ERI1: variants seen among roughly 807,000 people sequenced by gnomAD.
ERI1 encodes exoribonuclease 1, also known as 3'-5' exoribonuclease 1.
A neutral mutation model predicts 39.7 loss-of-function variants in ERI1; 39 were observed. The ratio of observed to expected loss-of-function variants is 0.98; its 90% confidence interval spans 0.76 to 1.28. The LOEUF (loss-of-function observed/expected upper bound fraction) is 1.28. Among genes scored for constraint, ERI1 ranks in the 50% most tolerant of loss-of-function variants. The pLI is 0.00. For missense variants in ERI1, 581 were observed against 416.9 expected (o/e 1.39, Z -3.43); for synonymous variants, 204 against 149.6 (o/e 1.36, Z -2.65).
chr8:9,090,331 C>G (rs1432050558), intron 3 of ERI1, among the ~76,000 whole-genome samples: 1 of 152,186 alleles, frequency 6.6e-6, no homozygotes, highest in Non-Finnish European at 1.5e-5. Context: ...TGTTCTGTTT[C>G]TCCAGTGATG....
Position 9,008,070 on chromosome 8 carries a change from C to A in ERI1, c.209C>A (p.Ala70Asp). ...AGTGACCCGGTTTACAAAGAGATTG[C>A]CATTACGAATGGCTGTATTAATAGA... ...DFSDPVYKEI[A>D]ITNGCINRMS... is the part of the protein sequence containing the mutation. Residue 70 changes from alanine to aspartate, a missense_variant, in exon 2 of 7, where the codon GCC (alanine) becomes GAC (aspartate). By Grantham distance (126) the Ala-to-Asp change is moderately radical. Transcript: ENST00000250263. 1 of 1,609,866 alleles carries A rather than the reference C, an allele frequency of 6.2e-7. No homozygotes were observed. The highest frequency in any genetic ancestry group is 8.5e-7 in the Non-Finnish European group (1 of 1,179,164).
chr8:9,060,820 C>T (rs773582146), intron 3 of ERI1, among the ~76,000 whole-genome samples: 2 of 152,148 alleles, frequency 1.3e-5, no homozygotes, highest in African/African-American at 4.8e-5. Context: ...TCTAGAGCAA[C>T]GGGATCTGAT....
chr8:9,064,923 T>G (rs1485141100), intron 3 of ERI1, among the ~76,000 whole-genome samples: 7 of 151,872 alleles, frequency 4.6e-5, no homozygotes, highest in African/African-American at 1.7e-4. Flanking sequence ...GTGGGGCTGT[T>G]TTATAGGATT....
intron 3 of ERI1, 54 bp downstream of exon 3, chr8:9,011,806 T>TA (rs1816703926): frequency 7.3e-7 from 1 of 1,372,316 alleles, no homozygotes; most frequent in Non-Finnish European, 1.0e-6. Flanking sequence ...ATTCTGGTGT[T>TA]TACTGGTTAT....
At chr8:9,064,664 G>C (rs1304782336) in intron 3 of ERI1, among the ~76,000 whole-genome samples, 2 of 152,342 alleles carry the variant, frequency 1.3e-5, no homozygotes, top group East Asian at 3.9e-4. Context: ...AAATTGGTGA[G>C]TTGTTCCTTG....
rs3989371 is a variant in ERI1, at chr8:9,049,336, C to CA, written n.299+28901dup. 7.8e-3 allele frequency among the ~76,000 whole-genome samples: 260 copies of CA among 33,256 alleles called. 45 individuals carry two copies. Among genetic ancestry groups the CA allele is most frequent in the Middle Eastern group, 0.045 (1 of 22 alleles). The allele number at this position is 33,256 out of a possible 152,430, so 21.8% of individuals were successfully genotyped here. On this transcript the variant is annotated intron_variant and non_coding_transcript_variant, in intron 3 of 3. Coordinates refer to the ERI1 transcript ENST00000518663. ...GGGCGACAGAGTGAGACTCCGTCTC[C>CA]AAAAAAAAAAAAAAAAAAAAAAAAA...
At chr8:9,098,040 T>A (rs912335341) in intron 3 of ERI1, among the ~76,000 whole-genome samples, 13 of 152,324 alleles carry the variant, frequency 8.5e-5, no homozygotes, top group African/African-American at 3.1e-4. Flanking sequence ...AAACATCGCA[T>A]GTTCTCACTC....
chr8:9,039,503 T>G (rs1244762701), intron 3 of ERI1, among the ~76,000 whole-genome samples: 1 of 152,176 alleles, frequency 6.6e-6, no homozygotes, highest in Non-Finnish European at 1.5e-5. Context: ...AAATGATTAG[T>G]GAAAACAGTC....
At chr8:9,012,511 A>G (rs1437820577) in intron 3 of ERI1, among the ~76,000 whole-genome samples, 1 of 152,236 alleles carries the variant, frequency 6.6e-6, no homozygotes, top group Non-Finnish European at 1.5e-5. Context: ...TGCATAGGTT[A>G]TTAGTGCTAT....
At chr8:9,061,761 G>A (rs1317936412) in intron 3 of ERI1, among the ~76,000 whole-genome samples, 2 of 151,844 alleles carry the variant, frequency 1.3e-5, no homozygotes, top group Non-Finnish European at 2.9e-5. Context: ...AACAGATGAG[G>A]AAGACATTTG....
At chr8:9,035,772 A>G (rs969037541), downstream of ERI1, among the ~76,000 whole-genome samples, 1 of 152,240 alleles carries the variant, frequency 6.6e-6, no homozygotes, top group Admixed American at 6.5e-5. Flanking sequence ...TAGCATAGGT[A>G]GTGATTCGTC....
At chr8:9,003,737 A>C in intron 1 of ERI1, among the ~76,000 whole-genome samples, 1 of 152,226 alleles carries the variant, frequency 6.6e-6, no homozygotes, top group Non-Finnish European at 1.5e-5. Context: ...TACAGTGGCA[A>C]AGTTGTAGAA....
rs748056762 is a variant in ERI1, at chr8:9,020,391, TCAG to T, written c.738_740del (p.Ser246del). 7 of 1,606,636 alleles carry T rather than the reference TCAG, an allele frequency of 4.4e-6. No homozygotes were observed. The highest frequency in any genetic ancestry group is 1.1e-5 in the South Asian group (1 of 88,882). ...AAGTTCTTGAACATTCAGTGTCAAC[TCAG>T]CAGGCTCAAATACCCTCCTTTTGCG... On this transcript the variant is annotated inframe_deletion, in exon 6 of 7. Transcript: ENST00000250263.
At chr8:9,063,618 A>G (rs1305561964) in intron 3 of ERI1, among the ~76,000 whole-genome samples, 1 of 152,098 alleles carries the variant, frequency 6.6e-6, no homozygotes, top group Non-Finnish European at 1.5e-5. Context: ...GGAGGGAAAG[A>G]AGGAAGATTT....
At chr8:9,099,196 C>T (rs771449674) in intron 3 of ERI1, among the ~76,000 whole-genome samples, 1 of 152,154 alleles carries the variant, frequency 6.6e-6, no homozygotes, top group African/African-American at 2.4e-5. Flanking sequence ...ATATGATGAG[C>T]ATATCCATCC....
At chr8:9,099,598 CAAAAA>C (rs752054721) in intron 3 of ERI1, among the ~76,000 whole-genome samples, 1 of 90,512 alleles carries the variant, frequency 1.1e-5, no homozygotes. Context: ...CTCTCTCTCT[CAAAAA>C]AAAAAAAAAA....
intron 3 of ERI1, among the ~76,000 whole-genome samples, chr8:9,053,007 A>G (rs1334661225): frequency 2.0e-5 from 3 of 151,932 alleles, no homozygotes; most frequent in African/African-American, 7.3e-5. Flanking sequence ...TGATTTATTT[A>G]TTTTTGTTTT....
chr8:9,010,023 CAAGT>C (rs1816498146), intron 2 of ERI1, among the ~76,000 whole-genome samples: 1 of 152,144 alleles, frequency 6.6e-6, no homozygotes, highest in East Asian at 1.9e-4. Context: ...GCTCAGTTCT[CAAGT>C]AAAGTAAAGA....
chr8:9,049,729 C>G (rs1030761171), intron 3 of ERI1: 1 of 152,146 alleles, frequency 6.6e-6, no homozygotes, highest in Non-Finnish European at 1.5e-5. Context: ...TACTAGGCAT[C>G]CTCCTGTGCC....
Sources: gnomAD v4.1 joint callset for allele counts (sites outside exome capture counted in the v4.1 genomes callset) on GRCh38, gnomAD v4.1.1 for gene constraint, MANE v1.5 for transcripts, NCBI Gene and HGNC (gene_info 2026-07-23, HGNC 2026-07-21) for gene names.